Variants in UNC5D observed in about 807,000 individuals in gnomAD.
The protein encoded by UNC5D is netrin receptor UNC5D.
Under a neutral mutation model 105.4 loss-of-function variants are expected in UNC5D, and 39 were observed. That is an observed-to-expected ratio of 0.37 (90% CI 0.29 to 0.48). The LOEUF is 0.48. UNC5D is among the 20% of genes least tolerant of loss of function. UNC5D has a pLI of 0.98. For missense variants in UNC5D, 991 were observed against 1,202.4 expected (o/e 0.82, Z 2.60); for synonymous variants, 452 against 450.4 (o/e 1.00, Z -0.04).
At chr8:35,589,631 T>C (rs1323565010) in intron 3 of UNC5D, among the ~76,000 whole-genome samples, 1 of 152,164 alleles carries the variant, frequency 6.6e-6, no homozygotes, top group Non-Finnish European at 1.5e-5. Flanking sequence ...CCAAAACTAC[T>C]TCTCTTTGCT....
intron 1 of UNC5D, among the ~76,000 whole-genome samples, chr8:35,286,625 C>T (rs534909545): frequency 1.3e-5 from 2 of 152,284 alleles, no homozygotes; most frequent in South Asian, 4.1e-4. Flanking sequence ...AAGAGATGAT[C>T]CAACTCAGCC....
At chr8:35,345,514 C>T (rs1003154963) in intron 1 of UNC5D, among the ~76,000 whole-genome samples, 2 of 151,966 alleles carry the variant, frequency 1.3e-5, no homozygotes, top group Non-Finnish European at 2.9e-5. Flanking sequence ...ATTTTCTGAT[C>T]TAATTTTCAT....
At chr8:35,347,555 A>C (rs1174957718) in intron 1 of UNC5D, among the ~76,000 whole-genome samples, 3 of 151,990 alleles carry the variant, frequency 2.0e-5, no homozygotes, top group Non-Finnish European at 2.9e-5. Flanking sequence ...TGTCTCCCCC[A>C]GTATACATTG....
intron 1 of UNC5D, among the ~76,000 whole-genome samples, chr8:35,479,613 A>G (rs1260965189): frequency 6.6e-6 from 1 of 152,200 alleles, no homozygotes; most frequent in Non-Finnish European, 1.5e-5. Flanking sequence ...CAGCCGTATA[A>G]AAGAATGACA....
intron 4 of UNC5D, among the ~76,000 whole-genome samples, chr8:35,608,586 C>T (rs1328479231): frequency 2.6e-5 from 4 of 152,142 alleles, no homozygotes; most frequent in Non-Finnish European, 4.4e-5. Flanking sequence ...TATTATTCTA[C>T]ACTCTATGTC....
intron 4 of UNC5D, among the ~76,000 whole-genome samples, chr8:35,651,026 A>C (rs1482176494): frequency 6.6e-6 from 1 of 152,186 alleles, no homozygotes; most frequent in Non-Finnish European, 1.5e-5. Flanking sequence ...TTCCTTGTCT[A>C]TCAGAGATGA....
chr8:35,770,426 C>T (rs1423049612), intron 15 of UNC5D, among the ~76,000 whole-genome samples: 1 of 152,078 alleles, frequency 6.6e-6, no homozygotes, highest in African/African-American at 2.4e-5. Context: ...TTCAAACAAA[C>T]CCAGTCCTTC....
At chr8:35,769,633 G>T (rs756699334) in intron 15 of UNC5D, among the ~76,000 whole-genome samples, 2 of 152,122 alleles carry the variant, frequency 1.3e-5, no homozygotes, top group Non-Finnish European at 1.5e-5. Flanking sequence ...CTGACTCACA[G>T]GAAAGACACA....
At chr8:35,325,266 G>T (rs1054935271) in intron 1 of UNC5D, among the ~76,000 whole-genome samples, 1 of 152,144 alleles carries the variant, frequency 6.6e-6, no homozygotes, top group African/African-American at 2.4e-5. Flanking sequence ...CATTAGGGAT[G>T]AATAAAACAT....
rs527632157 is a variant in UNC5D, at chr8:35,561,824, T to C, written c.323-6274T>C. On this transcript the variant is annotated intron_variant, in intron 2 of 16. Coordinates refer to ENST00000404895, the MANE Select transcript of UNC5D (RefSeq NM_080872.4). ...TTTGATACATTCATAAAATGGCTAATAATCAAATAAGGATAATAGAAATAT... is the reference window on the plus strand; with the variant it reads ...TTTGATACATTCATAAAATGGCTAACAATCAAATAAGGATAATAGAAATAT... Among the ~76,000 whole-genome samples, 20 of 152,298 alleles carry C rather than the reference T, an allele frequency of 1.3e-4. No homozygotes were observed. The South Asian group carries it at 3.9e-3, about 30-fold the overall frequency.
intron 1 of UNC5D, among the ~76,000 whole-genome samples, chr8:35,507,049 C>CTTTTTTTTT (rs71215631): frequency 3.9e-5 from 3 of 76,180 alleles, no homozygotes; most frequent in African/African-American, 1.0e-4. Context: ...CAGGGCTTTT[C>CTTTTTTTTT]TTTTTTTTTT....
chr8:35,243,996 C>G (rs1015973706), intron 1 of UNC5D, among the ~76,000 whole-genome samples: 1 of 152,156 alleles, frequency 6.6e-6, no homozygotes, highest in Non-Finnish European at 1.5e-5. Flanking sequence ...TAGACAGATA[C>G]TAAGGCCTAC....
intron 2 of UNC5D, among the ~76,000 whole-genome samples, chr8:35,557,285 T>C (rs1022982353): frequency 3.9e-5 from 6 of 152,242 alleles, no homozygotes; most frequent in African/African-American, 1.4e-4. Context: ...GTGTATTCTT[T>C]GTTTCTGTAC....
At chr8:35,352,631 G>A (rs924419021) in intron 1 of UNC5D, among the ~76,000 whole-genome samples, 8 of 151,898 alleles carry the variant, frequency 5.3e-5, no homozygotes, top group South Asian at 4.2e-4. Context: ...TTTTGGTTTC[G>A]AGACAGAGTC....
chr8:35,243,764 C>T (rs1236604714), intron 1 of UNC5D, among the ~76,000 whole-genome samples: 1 of 152,132 alleles, frequency 6.6e-6, no homozygotes, highest in Non-Finnish European at 1.5e-5. Flanking sequence ...GGCCCCTCTG[C>T]CTTTGATGCA....
chr8:35,454,281 C>T (rs1808346208), intron 1 of UNC5D, among the ~76,000 whole-genome samples: 1 of 152,102 alleles, frequency 6.6e-6, no homozygotes, highest in Non-Finnish European at 1.5e-5. Flanking sequence ...AGAAGAGAAC[C>T]ATCCAGTAGA....
intron 1 of UNC5D, among the ~76,000 whole-genome samples, chr8:35,306,071 C>A (rs1048063578): frequency 6.6e-6 from 1 of 151,716 alleles, no homozygotes; most frequent in African/African-American, 2.4e-5. Flanking sequence ...AACAACACTG[C>A]AATAGAAGGA....
chr8:35,364,260 CTTTA>C (rs56738544), intron 1 of UNC5D, among the ~76,000 whole-genome samples: 65,817 of 151,496 alleles, frequency 0.43, 14,511 homozygotes, highest in East Asian at 0.7. Flanking sequence ...TTCTCTTATA[CTTTA>C]TTTCTTTATA....
chr8:35,688,729 C>T (rs1016275327), intron 7 of UNC5D, among the ~76,000 whole-genome samples: 4 of 152,196 alleles, frequency 2.6e-5, no homozygotes. Flanking sequence ...CTCTTGAATA[C>T]CACCAGATTT....
Sources: allele counts gnomAD v4.1 joint callset (sites outside exome capture counted in the v4.1 genomes callset), GRCh38; gene constraint gnomAD v4.1.1; transcripts MANE v1.5; gene names NCBI Gene and HGNC (gene_info 2026-07-23, HGNC 2026-07-21).